RBFOX1: variants seen among roughly 807,000 people sequenced by gnomAD.
The protein encoded by RBFOX1 is RNA binding fox-1 homolog 1.
Under a neutral mutation model 57.7 loss-of-function variants are expected in RBFOX1, and 8 were observed. The observed-to-expected ratio is 0.14, with a 90% confidence interval of 0.08 to 0.25. The LOEUF (loss-of-function observed/expected upper bound fraction) is 0.25, where lower values mean the gene tolerates loss of function less well. Among genes scored for constraint, RBFOX1 ranks in the 10% least tolerant of loss-of-function variants. The pLI, the probability that RBFOX1 is intolerant of heterozygous loss-of-function variation, is 1.00. For missense variants in RBFOX1, 611 were observed against 548.5 expected (o/e 1.11, Z -1.14); for synonymous variants, 326 against 222.4 (o/e 1.47, Z -4.15).
At chr16:5,656,556 C>G (rs1444156065) in intron 3 of RBFOX1, among the ~76,000 whole-genome samples, 1 of 152,144 alleles carries the variant, frequency 6.6e-6, no homozygotes, top group Admixed American at 6.5e-5. Context: ...ACACCATAAA[C>G]CTGTCCATCA....
At chr16:7,410,986 C>G (rs1281564387) in intron 4 of RBFOX1, among the ~76,000 whole-genome samples, 3 of 151,994 alleles carry the variant, frequency 2.0e-5, no homozygotes, top group Admixed American at 6.6e-5. Flanking sequence ...CACTCTGTCA[C>G]CCAGGTTGGA....
intron 3 of RBFOX1, among the ~76,000 whole-genome samples, chr16:5,814,852 C>T (rs949843868): frequency 6.6e-6 from 1 of 152,134 alleles, no homozygotes; most frequent in Non-Finnish European, 1.5e-5. Context: ...TGGCGTGAAC[C>T]TGGGAAGCGG....
At chr16:7,646,492 C>G (rs1597230158) in intron 11 of RBFOX1, among the ~76,000 whole-genome samples, 2 of 152,210 alleles carry the variant, frequency 1.3e-5, no homozygotes, top group South Asian at 2.1e-4. Context: ...CATCTTAAAA[C>G]CTTCCAAGGC....
intron 2 of RBFOX1, among the ~76,000 whole-genome samples, chr16:6,519,160 T>TG (rs1446216474): frequency 6.6e-6 from 1 of 151,982 alleles, no homozygotes; most frequent in Non-Finnish European, 1.5e-5. Flanking sequence ...AGTCAAGATA[T>TG]GGGGGGAACC....
At chr16:5,990,560 A>C (rs2152318880) in intron 4 of RBFOX1, among the ~76,000 whole-genome samples, 1 of 152,320 alleles carries the variant, frequency 6.6e-6, no homozygotes, top group South Asian at 2.1e-4. Context: ...GGGTTATAAA[A>C]ATAGGAGGAC....
chr16:5,680,355 A>C (rs529379012), intron 3 of RBFOX1, among the ~76,000 whole-genome samples: 2 of 152,256 alleles, frequency 1.3e-5, no homozygotes, highest in South Asian at 2.1e-4. Flanking sequence ...ATTGAACCCT[A>C]ATGTCCTGTT....
intron 1 of RBFOX1, among the ~76,000 whole-genome samples, chr16:5,329,110 A>G (rs2064671391): frequency 9.9e-5 from 15 of 152,174 alleles, no homozygotes; most frequent in Admixed American, 9.8e-4. Flanking sequence ...AGTTTCCGTT[A>G]TTATTTCCAT....
intron 3 of RBFOX1, among the ~76,000 whole-genome samples, chr16:5,782,130 G>C (rs1176263261): frequency 6.6e-6 from 1 of 152,232 alleles, no homozygotes; most frequent in African/African-American, 2.4e-5. Flanking sequence ...AGAATCACTT[G>C]AACCCACGAA....
chr16:7,255,904 T>C (rs2094659331), intron 4 of RBFOX1, among the ~76,000 whole-genome samples: 1 of 152,184 alleles, frequency 6.6e-6, no homozygotes, highest in South Asian at 2.1e-4. Context: ...CGTTACCTTA[T>C]TGGATAGCAC....
intron 3 of RBFOX1, among the ~76,000 whole-genome samples, chr16:5,677,468 G>C (rs938871766): frequency 1.3e-5 from 2 of 152,222 alleles, no homozygotes; most frequent in African/African-American, 4.8e-5. Context: ...GTGCTTACGA[G>C]TGATTAGGAG....
At chr16:6,164,563 T>C (rs1011142508) in intron 1 of RBFOX1, among the ~76,000 whole-genome samples, 2 of 151,718 alleles carry the variant, frequency 1.3e-5, no homozygotes, top group African/African-American at 2.4e-5. Flanking sequence ...GCCTCTCAGA[T>C]TCAAGCGATT....
intron 3 of RBFOX1, among the ~76,000 whole-genome samples, chr16:5,843,062 C>G (rs113480665): frequency 1.6e-4 from 24 of 152,154 alleles, no homozygotes; most frequent in African/African-American, 5.8e-4. Flanking sequence ...CTCCTGACCT[C>G]GTGATTCACC....
chr16:6,425,758 C>T (rs990201638), intron 2 of RBFOX1, among the ~76,000 whole-genome samples: 3 of 152,112 alleles, frequency 2.0e-5, no homozygotes, highest in East Asian at 1.9e-4. Context: ...GCAGAGTTTG[C>T]TTCTGTTTCA....
At chr16:6,120,224 G>A (rs2096538813) in intron 1 of RBFOX1, among the ~76,000 whole-genome samples, 1 of 152,184 alleles carries the variant, frequency 6.6e-6, no homozygotes, top group South Asian at 2.1e-4. Context: ...GACGTAAATA[G>A]CTGCTATGAA....
chr16:7,338,740 C>G (rs1298501430), intron 4 of RBFOX1, among the ~76,000 whole-genome samples: 3 of 152,272 alleles, frequency 2.0e-5, no homozygotes, highest in Admixed American at 6.5e-5. Flanking sequence ...TAACAATGGA[C>G]AGAGAGTAAC....
At chr16:6,919,905 C>G (rs747097382) in intron 3 of RBFOX1, among the ~76,000 whole-genome samples, 5 of 151,440 alleles carry the variant, frequency 3.3e-5, no homozygotes, top group South Asian at 2.1e-4. Context: ...TACACTGTAC[C>G]CAGTGTGTCA....
intron 2 of RBFOX1, among the ~76,000 whole-genome samples, chr16:6,502,225 A>G (rs2095956337): frequency 6.6e-6 from 1 of 152,164 alleles, no homozygotes; most frequent in African/African-American, 2.4e-5. Context: ...ATGCAGATCC[A>G]TCTGTAGGGA....
intron 4 of RBFOX1, among the ~76,000 whole-genome samples, chr16:7,227,437 C>A (rs567288501): frequency 1.3e-5 from 2 of 152,116 alleles, no homozygotes; most frequent in African/African-American, 4.8e-5. Context: ...CTGTCCCCAA[C>A]CGTATTAATA....
intron 2 of RBFOX1, among the ~76,000 whole-genome samples, chr16:5,553,094 G>A (rs549755348): frequency 6.6e-6 from 1 of 152,178 alleles, no homozygotes; most frequent in Non-Finnish European, 1.5e-5. Context: ...AGATCACTTG[G>A]ACACAGGGCG....
Sources: allele counts gnomAD v4.1 joint callset (sites outside exome capture counted in the v4.1 genomes callset), GRCh38; gene constraint gnomAD v4.1.1; transcripts MANE v1.5; gene names NCBI Gene and HGNC (gene_info 2026-07-23, HGNC 2026-07-21).